DGCR2: variants seen among roughly 807,000 people sequenced by gnomAD.
The protein encoded by DGCR2 is DiGeorge syndrome critical region gene 2.
In DGCR2, 24 loss-of-function variants were observed where a neutral mutation model predicts 51.6. The ratio of observed to expected loss-of-function variants is 0.47; its 90% CI spans 0.34 to 0.65. The LOEUF (loss-of-function observed/expected upper bound fraction) is 0.65, where lower values mean the gene tolerates loss of function less well. Ranked by LOEUF, DGCR2 falls within the 30% of genes least tolerant of loss-of-function variation. The pLI, the probability that DGCR2 is intolerant of heterozygous loss-of-function variation, is 0.01. For synonymous variants in DGCR2, 340 were observed against 315.4 expected (o/e 1.08, Z -0.82); for missense variants, 765 against 772.1 (o/e 0.99, Z 0.11).
intron 6 of DGCR2, among the ~76,000 whole-genome samples, chr22:19,052,908 A>G (rs1024689540): frequency 1.3e-5 from 2 of 152,262 alleles, no homozygotes; most frequent in Non-Finnish European, 2.9e-5. Flanking sequence ...TTTCTGCCTC[A>G]TGATGATACC....
chr22:19,051,188 CAAAAAAAAAA>C (rs61277487), intron 6 of DGCR2, among the ~76,000 whole-genome samples: 30 of 54,862 alleles, frequency 5.5e-4, no homozygotes, highest in South Asian at 1.9e-3. Flanking sequence ...AATTCTGTCA[CAAAAAAAAAA>C]AAAAAAAAAA....
At chr22:19,044,051 C>T (rs1319985509) in intron 7 of DGCR2, among the ~76,000 whole-genome samples, 1 of 152,174 alleles carries the variant, frequency 6.6e-6, no homozygotes, top group Non-Finnish European at 1.5e-5. Context: ...GTTCAGAGAT[C>T]CCAGGGGAGC....
intron 6 of DGCR2, among the ~76,000 whole-genome samples, chr22:19,054,388 T>C (rs1399551944): frequency 6.6e-6 from 1 of 152,218 alleles, no homozygotes; most frequent in African/African-American, 2.4e-5. Flanking sequence ...AAGTTCCTTG[T>C]ATTATTCTGC....
intron 2 of DGCR2, among the ~76,000 whole-genome samples, chr22:19,076,141 T>A (rs2082873107): frequency 6.7e-6 from 1 of 149,840 alleles, no homozygotes; most frequent in Non-Finnish European, 1.5e-5. Flanking sequence ...TGTATTTTTA[T>A]TTTATTTATT....
chr22:19,039,317 C>T lies in DGCR2; in HGVS notation c.1397-196G>A, dbSNP rs1278476389. ...CTGCCCCACATGACACCTGTTGTAC[C>T]TACTGCCCCCTGTGGCTGGGAACCT... On this transcript the variant is annotated intron_variant, in intron 9 of 9. Coordinates refer to ENST00000263196, the MANE Select transcript of DGCR2 (RefSeq NM_005137.3). Among the ~76,000 whole-genome samples the T allele has an allele frequency of 2.6e-5, 4 of 152,192 alleles. No individual in the cohort carries two copies. The East Asian group carries it at 7.7e-4, about 29-fold the overall frequency.
intron 1 of DGCR2, among the ~76,000 whole-genome samples, chr22:19,118,090 G>T (rs190292496): frequency 6.6e-6 from 1 of 151,922 alleles, no homozygotes; most frequent in Admixed American, 6.6e-5. Context: ...GACTCCAGCC[G>T]GGGAGAGGTG....
chr22:19,077,784 T>TA (rs2082894905), intron 2 of DGCR2, among the ~76,000 whole-genome samples: 1 of 152,144 alleles, frequency 6.6e-6, no homozygotes, highest in Non-Finnish European at 1.5e-5. Flanking sequence ...AGTCACATCT[T>TA]ACGTTTTACA....
intron 1 of DGCR2, among the ~76,000 whole-genome samples, chr22:19,112,275 A>T (rs1423432004): frequency 0.023 from 1,016 of 43,616 alleles, 13 homozygotes; most frequent in African/African-American, 0.13. Context: ...TCCATCTTTT[A>T]AAAAAAAAAA....
intron 2 of DGCR2, among the ~76,000 whole-genome samples, chr22:19,086,910 G>C (rs1377139553): frequency 1.3e-5 from 2 of 152,210 alleles, no homozygotes; most frequent in African/African-American, 4.8e-5. Flanking sequence ...GCAACTATGA[G>C]TGTGGATACC....
At chr22:19,060,866 A>C (rs896506235) in intron 5 of DGCR2, 1 of 516,458 alleles carries the variant, frequency 1.9e-6, no homozygotes, top group Non-Finnish European at 3.9e-6. Flanking sequence ...ACCCTGCGGA[A>C]ACGAGCTCCC....
intron 2 of DGCR2, among the ~76,000 whole-genome samples, chr22:19,083,506 G>C (rs1348973658): frequency 6.6e-6 from 1 of 152,180 alleles, no homozygotes; most frequent in Non-Finnish European, 1.5e-5. Context: ...AAGATGCACT[G>C]AATCCACAGA....
chr22:19,094,753 A>C (rs2083119595), intron 1 of DGCR2, among the ~76,000 whole-genome samples: 1 of 152,250 alleles, frequency 6.6e-6, no homozygotes, highest in African/African-American at 2.4e-5. Flanking sequence ...CAAGAAGCAA[A>C]TTGGTAAGTT....
At chr22:19,110,757 C>T (rs2083305993) in intron 1 of DGCR2, among the ~76,000 whole-genome samples, 1 of 152,150 alleles carries the variant, frequency 6.6e-6, no homozygotes. Flanking sequence ...GTTTCAAATA[C>T]CCACTCCATG....
At chr22:19,115,032 C>T (rs972313404) in intron 1 of DGCR2, among the ~76,000 whole-genome samples, 2 of 152,184 alleles carry the variant, frequency 1.3e-5, no homozygotes, top group African/African-American at 4.8e-5. Flanking sequence ...GCACTAAGAA[C>T]AATGACCAGC....
At position 19,036,450 on chromosome 22, in the gene DGCR2, C is replaced by T. The variant is rs895360836; in HGVS notation, c.*2415G>A. The T allele has an allele frequency of 1.3e-5, 2 of 152,520 alleles. No homozygotes were observed. The highest frequency in any genetic ancestry group is 6.5e-5 in the Admixed American group (1 of 15,286). 9.4% of individuals were successfully genotyped at this position (152,520 alleles called of 1,614,324 possible). A position where few individuals can be genotyped will look rare whatever the true frequency, so the allele number is the denominator to read the frequency against. ...CAAATCCCACCTCCGCATGGCAGGT[C>T]AGAGGGCACCTGGGCTCTGAGAAAC... On this transcript the variant is annotated 3_prime_UTR_variant, in exon 10 of 10. Transcript: ENST00000263196.
intron 1 of DGCR2, among the ~76,000 whole-genome samples, chr22:19,098,746 C>T (rs2083169213): frequency 6.6e-6 from 1 of 152,096 alleles, no homozygotes; most frequent in Non-Finnish European, 1.5e-5. Flanking sequence ...TACCACCATA[C>T]TCAGCTAATT....
intron 7 of DGCR2, 109 bp downstream of exon 7, chr22:19,048,331 G>T: frequency 8.7e-7 from 1 of 1,155,290 alleles, no homozygotes; most frequent in Non-Finnish European, 1.3e-6. Context: ...GCTGCTGCGC[G>T]ATGCTCCATA....
At chr22:19,066,095 T>C (rs1415400493) in intron 3 of DGCR2, among the ~76,000 whole-genome samples, 1 of 152,186 alleles carries the variant, frequency 6.6e-6, no homozygotes, top group Non-Finnish European at 1.5e-5. Context: ...GGAAGCTCTT[T>C]AGGTGCAGAC....
intron 5 of DGCR2, among the ~76,000 whole-genome samples, chr22:19,062,775 G>GCGCACACACACACATGCATTCTCT (rs1555903875): frequency 9.2e-6 from 1 of 108,860 alleles, no homozygotes; most frequent in Non-Finnish European, 1.9e-5. Flanking sequence ...ACACATGCAT[G>GCGCACACACACACATGCATTCTCT]CTCACTCTCT....
Sources: allele counts gnomAD v4.1 joint callset (sites outside exome capture counted in the v4.1 genomes callset), GRCh38; gene constraint gnomAD v4.1.1; transcripts MANE v1.5; gene names NCBI Gene and HGNC (gene_info 2026-07-23, HGNC 2026-07-21).